ADAMTS19: variants seen among roughly 807,000 people sequenced by gnomAD.
The protein encoded by ADAMTS19 is A disintegrin and metalloproteinase with thrombospondin motifs 19.
A neutral mutation model predicts 153.3 loss-of-function variants in ADAMTS19; 93 were observed. The observed-to-expected ratio is 0.61, with a 90% CI of 0.51 to 0.72. ADAMTS19 has a LOEUF of 0.72. ADAMTS19 is among the 30% of genes least tolerant of loss of function. The pLI, the probability that ADAMTS19 is intolerant of heterozygous loss-of-function variation, is 0.00. For synonymous variants in ADAMTS19, 600 were observed against 556.6 expected (o/e 1.08, Z -1.10); for missense variants, 1,482 against 1,552.1 (o/e 0.95, Z 0.76).
chr5:129,641,446 G>A (rs1752781737), intron 10 of ADAMTS19, among the ~76,000 whole-genome samples: 2 of 152,114 alleles, frequency 1.3e-5, no homozygotes, highest in Admixed American at 1.3e-4. Flanking sequence ...TAAAAGCAGA[G>A]CATAAGTGGG....
At chr5:129,531,651 A>C (rs764539749) in intron 6 of ADAMTS19, among the ~76,000 whole-genome samples, 12 of 152,004 alleles carry the variant, frequency 7.9e-5, no homozygotes, top group Non-Finnish European at 1.3e-4. Flanking sequence ...AAACAAAAAA[A>C]CCCCAAAATC....
chr5:129,680,126 T>G (rs1754733654), intron 17 of ADAMTS19, among the ~76,000 whole-genome samples: 1 of 152,208 alleles, frequency 6.6e-6, no homozygotes, highest in South Asian at 2.1e-4. Context: ...AGGAGCAAGA[T>G]GTTTTAGGGA....
At position 129,461,421 on chromosome 5, in the gene ADAMTS19, C is replaced by T. The variant is rs1319767684; in HGVS notation, c.411C>T (p.Ala137=). 55 of 1,389,252 alleles carry T rather than the reference C, an allele frequency of 4.0e-5. No homozygotes were observed. The highest frequency in any genetic ancestry group is 5.0e-5 in the Non-Finnish European group (54 of 1,084,620). The allele number at this position is 1,389,252 out of a possible 1,614,324, so 86.1% of individuals were successfully genotyped here. Residue 137 remains alanine, a synonymous_variant, in exon 2 of 23, where the codon GCC becomes GCT. Transcript: ENST00000274487. The surrounding 1 kb of genome is among the most constrained non-coding windows in gnomAD (Gnocchi z 4.6). Reference sequence around the variant, plus strand: ...CGCGGGGATCCAGCGGGGCTGCCGCCTTGTCCCCGGGCGCCCCGGCCTCGT... The same window carrying T: ...CGCGGGGATCCAGCGGGGCTGCCGCTTTGTCCCCGGGCGCCCCGGCCTCGT... The part of the protein sequence containing the change: ...ELPRGSSGAA[A]LSPGAPASWQ...
In ADAMTS19 at chr5:129,658,735, C is replaced by G. The variant is rs768067850; in HGVS notation, c.2423C>G (p.Ala808Gly). ...GGGGATTTTAATCACACCAGAGGAG[C>G]AGGTAATTTTTCTTTATTTTTTCAT... ...IKGDFNHTRGAGYVEVLVIPA... is the reference protein window; with the variant it reads ...IKGDFNHTRGGGYVEVLVIPA... The change falls in exon 15 of 23, where the codon GCA becomes GGA. Residue 808 changes from alanine (A) to glycine (G), a missense_variant and splice_region_variant. Coordinates refer to ENST00000274487, the MANE Select transcript of ADAMTS19 (RefSeq NM_133638.6). 5 of 1,598,012 alleles carry G rather than the reference C, an allele frequency of 3.1e-6. No homozygotes were observed. The highest frequency in any genetic ancestry group is 4.3e-6 in the Non-Finnish European group (5 of 1,173,424).
chr5:129,554,632 A>T (rs1753250779), intron 7 of ADAMTS19, among the ~76,000 whole-genome samples: 1 of 152,066 alleles, frequency 6.6e-6, no homozygotes, highest in African/African-American at 2.4e-5. Context: ...CTCCTGGATG[A>T]TATTGTTGAA....
chr5:129,515,515 T>C (rs940769363), intron 3 of ADAMTS19, among the ~76,000 whole-genome samples: 2 of 151,992 alleles, frequency 1.3e-5, no homozygotes, highest in African/African-American at 4.8e-5. Flanking sequence ...TTCACTTCTT[T>C]GGTTAATTCT....
intron 16 of ADAMTS19, among the ~76,000 whole-genome samples, chr5:129,670,180 A>G (rs1433618368): frequency 6.6e-6 from 1 of 151,968 alleles, no homozygotes; most frequent in East Asian, 1.9e-4. Flanking sequence ...GTCCTGCTTT[A>G]TTTTCTGTAT....
chr5:129,687,477 A>G (rs768106122), intron 18 of ADAMTS19, among the ~76,000 whole-genome samples: 27 of 152,332 alleles, frequency 1.8e-4, no homozygotes, highest in Middle Eastern at 3.4e-3. Flanking sequence ...TAGGATCAAC[A>G]TTCTTCCCCA....
At chr5:129,645,844 G>A (rs957475605) in intron 11 of ADAMTS19, among the ~76,000 whole-genome samples, 7 of 147,620 alleles carry the variant, frequency 4.7e-5, no homozygotes, top group East Asian at 2.0e-4. Flanking sequence ...AAACAAGTAA[G>A]TAATGTAGAA....
At chr5:129,579,620 G>A (rs1749405822) in intron 7 of ADAMTS19, among the ~76,000 whole-genome samples, 1 of 152,120 alleles carries the variant, frequency 6.6e-6, no homozygotes, top group Admixed American at 6.5e-5. Context: ...TTTGTATAAG[G>A]TGTAAGGAAG....
intron 21 of ADAMTS19, among the ~76,000 whole-genome samples, chr5:129,721,971 T>C (rs1437814839): frequency 6.6e-6 from 1 of 152,326 alleles, no homozygotes; most frequent in Admixed American, 6.5e-5. Flanking sequence ...ATGTTGTATA[T>C]GTACAATATT....
chr5:129,646,183 C>A (rs570631364), intron 11 of ADAMTS19, among the ~76,000 whole-genome samples: 3 of 152,024 alleles, frequency 2.0e-5, no homozygotes, highest in Non-Finnish European at 4.4e-5. Flanking sequence ...CCACCGCGCC[C>A]GGCCTCCTTT....
At chr5:129,615,324 A>T (rs545719441) in intron 8 of ADAMTS19, among the ~76,000 whole-genome samples, 2 of 152,062 alleles carry the variant, frequency 1.3e-5, no homozygotes, top group Non-Finnish European at 2.9e-5. Flanking sequence ...GATTGATATC[A>T]GTTTACAGAT....
In ADAMTS19 at chr5:129,663,640, C is replaced by A. The variant is rs542678819; in HGVS notation, c.2426-1859C>A. 2.0e-5 allele frequency among the ~76,000 whole-genome samples: 3 copies of A among 152,252 alleles called. No individual in the cohort carries two copies. The East Asian group carries it at 5.8e-4, about 29-fold the overall frequency. On this transcript the variant is annotated intron_variant, in intron 15 of 22. Transcript: ENST00000274487. ...TATCTTCTGGATTTTCTCCCTTAGCCTCCACTACTCCTGGATTTTACCATT... is the reference window on the plus strand; with the variant it reads ...TATCTTCTGGATTTTCTCCCTTAGCATCCACTACTCCTGGATTTTACCATT...
At chr5:129,518,173 T>C (rs1751676863) in intron 3 of ADAMTS19, among the ~76,000 whole-genome samples, 1 of 152,116 alleles carries the variant, frequency 6.6e-6, no homozygotes, top group Non-Finnish European at 1.5e-5. Context: ...GTTTTTATAG[T>C]TATTAGTTTT....
intron 11 of ADAMTS19, 113 bp from the exon 12 acceptor site, chr5:129,647,652 G>A (rs1431479610): frequency 3.1e-6 from 4 of 1,278,128 alleles, no homozygotes; most frequent in Non-Finnish European, 4.3e-6. Flanking sequence ...AATTCCCCAT[G>A]TTTGTGGCTC....
At chr5:129,510,230 CAATA>C (rs901433739) in intron 3 of ADAMTS19, among the ~76,000 whole-genome samples, 1 of 151,770 alleles carries the variant, frequency 6.6e-6, no homozygotes, top group Non-Finnish European at 1.5e-5. Flanking sequence ...TGCATGGTGA[CAATA>C]AATCACATTT....
At chr5:129,712,814 T>A (rs573930579) in intron 21 of ADAMTS19, among the ~76,000 whole-genome samples, 105 of 152,322 alleles carry the variant, frequency 6.9e-4, no homozygotes, top group African/African-American at 2.5e-3. Context: ...TCAGAGAGAC[T>A]GAGATAGTAT....
At chr5:129,641,774 C>A in intron 10 of ADAMTS19, 85 bp from the exon 11 acceptor site, 1 of 755,884 alleles carries the variant, frequency 1.3e-6, no homozygotes, top group Non-Finnish European at 2.1e-6. Flanking sequence ...GTTATTCTAT[C>A]AAAATAGCTT....
Sources: gnomAD v4.1 joint callset for allele counts (sites outside exome capture counted in the v4.1 genomes callset) on GRCh38, gnomAD v4.1.1 for gene constraint, Gnocchi (gnomAD v3.1) non-coding constraint, MANE v1.5 for transcripts, NCBI Gene and HGNC (gene_info 2026-07-23, HGNC 2026-07-21) for gene names.